The following PHACTR1 variants were observed in gnomAD, a reference collection of about 807,000 sequenced individuals.
The protein encoded by PHACTR1 is RPEL repeat containing 1.
PHACTR1 carries 16 observed loss-of-function variants against 69.2 expected under a neutral mutation model. The observed-to-expected ratio is 0.23, with a 90% CI of 0.16 to 0.35. The LOEUF is 0.35. Among genes scored for constraint, PHACTR1 ranks in the 10% least tolerant of loss-of-function variants. The pLI is 1.00. For synonymous variants in PHACTR1, 312 were observed against 284.5 expected (o/e 1.10, Z -0.97); for missense variants, 510 against 734.7 (o/e 0.69, Z 3.54).
chr6:12,725,842 G>T (rs898558746), intron 3 of PHACTR1, among the ~76,000 whole-genome samples: 6 of 151,438 alleles, frequency 4.0e-5, no homozygotes, highest in African/African-American at 1.5e-4. Flanking sequence ...AACTGATGGG[G>T]TGAGAATGCT....
At chr6:13,252,742 T>C (rs2127401580) in intron 10 of PHACTR1, among the ~76,000 whole-genome samples, 1 of 152,308 alleles carries the variant, frequency 6.6e-6, no homozygotes, top group East Asian at 1.9e-4. Flanking sequence ...TGAGAGTATC[T>C]ATATTCATAC....
intron 7 of PHACTR1, among the ~76,000 whole-genome samples, chr6:13,200,205 A>G (rs1007664056): frequency 8.8e-5 from 13 of 147,914 alleles, no homozygotes; most frequent in African/African-American, 2.9e-4. Flanking sequence ...TATGCTGAGC[A>G]TTTGGGAAGA....
At chr6:13,008,095 C>G (rs938217112) in intron 4 of PHACTR1, among the ~76,000 whole-genome samples, 1 of 152,212 alleles carries the variant, frequency 6.6e-6, no homozygotes, top group Non-Finnish European at 1.5e-5. Context: ...TTTCTGTAAA[C>G]TCCTTGTCCA....
At chr6:13,257,002 C>G (rs1406411545) in intron 10 of PHACTR1, among the ~76,000 whole-genome samples, 1 of 152,214 alleles carries the variant, frequency 6.6e-6, no homozygotes, top group Non-Finnish European at 1.5e-5. Context: ...TTTTCTCGAA[C>G]TGCTACAAAG....
intron 5 of PHACTR1, among the ~76,000 whole-genome samples, chr6:13,067,548 T>C (rs1475543591): frequency 2.0e-5 from 3 of 152,156 alleles, no homozygotes; most frequent in Non-Finnish European, 2.9e-5. Flanking sequence ...AAGAGGAAAG[T>C]CAAGGTGTAG....
At chr6:12,810,027 G>A (rs1418655867) in intron 4 of PHACTR1, among the ~76,000 whole-genome samples, 1 of 152,180 alleles carries the variant, frequency 6.6e-6, no homozygotes, top group African/African-American at 2.4e-5. Flanking sequence ...CTTAAAATCT[G>A]TGTGTAGATA....
intron 4 of PHACTR1, among the ~76,000 whole-genome samples, chr6:12,780,244 TTTCTC>T (rs1770635148): frequency 8.9e-6 from 1 of 112,788 alleles, no homozygotes; most frequent in East Asian, 3.1e-4. Flanking sequence ...ATATATATCT[TTTCTC>T]TGTGTGTGTG....
intron 6 of PHACTR1, among the ~76,000 whole-genome samples, chr6:13,169,625 T>G (rs1209588567): frequency 1.3e-5 from 2 of 152,102 alleles, no homozygotes; most frequent in African/African-American, 4.8e-5. Context: ...AAGAGACTGT[T>G]GCTCAGCTGG....
At chr6:13,134,900 G>C (rs1212495428) in intron 5 of PHACTR1, among the ~76,000 whole-genome samples, 1 of 151,596 alleles carries the variant, frequency 6.6e-6, no homozygotes, top group Non-Finnish European at 1.5e-5. Flanking sequence ...GAGTACTTAG[G>C]TAACCTACCC....
chr6:13,189,826 C>A (rs1424640950), intron 7 of PHACTR1, among the ~76,000 whole-genome samples: 1 of 152,072 alleles, frequency 6.6e-6, no homozygotes, highest in East Asian at 1.9e-4. Flanking sequence ...TGGGCTGCCG[C>A]AACTAAAGAA....
chr6:12,731,232 T>C (rs1438520010), intron 3 of PHACTR1, among the ~76,000 whole-genome samples: 1 of 152,130 alleles, frequency 6.6e-6, no homozygotes, highest in Non-Finnish European at 1.5e-5. Flanking sequence ...GCCAGGCTGG[T>C]CTTGAACTCC....
intron 4 of PHACTR1, among the ~76,000 whole-genome samples, chr6:12,868,113 T>C (rs534469629): frequency 6.6e-6 from 1 of 152,100 alleles, no homozygotes; most frequent in South Asian, 2.1e-4. Context: ...AAAAATTAGC[T>C]AGGCGTGGTG....
chr6:12,788,249 T>C (rs1165751835), intron 4 of PHACTR1, among the ~76,000 whole-genome samples: 3 of 117,236 alleles, frequency 2.6e-5, no homozygotes, highest in African/African-American at 3.8e-5. Context: ...CATCAGCTGA[T>C]GTAACTAAGT....
At chr6:13,050,547 C>G (rs1438839323) in intron 4 of PHACTR1, among the ~76,000 whole-genome samples, 1 of 152,168 alleles carries the variant, frequency 6.6e-6, no homozygotes, top group Non-Finnish European at 1.5e-5. Flanking sequence ...CATTTCTCAG[C>G]ATTTTTTCTA....
chr6:13,244,770 C>T (rs1210687209), intron 10 of PHACTR1, among the ~76,000 whole-genome samples: 2 of 152,210 alleles, frequency 1.3e-5, no homozygotes, highest in African/African-American at 4.8e-5. Context: ...TGCTCAAACA[C>T]ACATGCTGTA....
chr6:12,830,710 C>A (rs1344030206), intron 4 of PHACTR1, among the ~76,000 whole-genome samples: 2 of 152,046 alleles, frequency 1.3e-5, no homozygotes, highest in Non-Finnish European at 2.9e-5. Context: ...CTTCATCAGC[C>A]TCCTGAGTAG....
At chr6:12,996,246 C>T (rs1797396319) in intron 4 of PHACTR1, among the ~76,000 whole-genome samples, 1 of 151,836 alleles carries the variant, frequency 6.6e-6, no homozygotes, top group East Asian at 1.9e-4. Flanking sequence ...AAAGAAAATC[C>T]AAGATACAAT....
chr6:12,752,720 T>C (rs966816208), intron 4 of PHACTR1, among the ~76,000 whole-genome samples: 7 of 152,206 alleles, frequency 4.6e-5, no homozygotes, highest in Non-Finnish European at 5.9e-5. Flanking sequence ...ACACCCTATC[T>C]CCAACAGTAC....
chr6:13,210,429 TG>T (rs1231293215), intron 8 of PHACTR1, among the ~76,000 whole-genome samples: 3 of 152,174 alleles, frequency 2.0e-5, no homozygotes, highest in Non-Finnish European at 4.4e-5. Flanking sequence ...AGAATCCACT[TG>T]AAGCAAATTT....
Sources: allele counts gnomAD v4.1 joint callset (sites outside exome capture counted in the v4.1 genomes callset), GRCh38; gene constraint gnomAD v4.1.1; transcripts MANE v1.5; gene names NCBI Gene and HGNC (gene_info 2026-07-23, HGNC 2026-07-21).